Variants in PRDM10 observed in about 807,000 individuals in gnomAD.
PRDM10 encodes the protein PR/SET domain 10.
A neutral mutation model predicts 133.1 loss-of-function variants in PRDM10; 65 were observed. The ratio of observed to expected loss-of-function variants is 0.49; its 90% CI spans 0.40 to 0.60. The LOEUF is 0.60. PRDM10 is among the 20% of genes least tolerant of loss of function. PRDM10 has a pLI of 0.00. For synonymous variants in PRDM10, 582 were observed against 580.4 expected (o/e 1.00, Z -0.04); for missense variants, 1,137 against 1,507.1 (o/e 0.75, Z 4.07).
chr11:129,919,955 G>T (rs1480285272), intron 13 of PRDM10, among the ~76,000 whole-genome samples: 1 of 152,070 alleles, frequency 6.6e-6, no homozygotes, highest in Non-Finnish European at 1.5e-5. Context: ...AGCCCAGGAG[G>T]GAATGTTCAG....
rs1950580581 is a variant in PRDM10 at position 129,923,641 on chromosome 11, C to CGGGAGAGAGA, written c.1879-239_1879-238insTCTCTCTCCC. Among the ~76,000 whole-genome samples the CGGGAGAGAGA allele has an allele frequency of 2.3e-5, 1 of 44,254 alleles. No individual in the cohort carries two copies. The highest frequency in any genetic ancestry group is 1.2e-4 in the African/African-American group (1 of 8,106). The allele number at this position is 44,254 out of a possible 152,430, so 29.0% of individuals were successfully genotyped here. A position where few individuals can be genotyped will look rare whatever the true frequency, so the allele number is the denominator to read the frequency against. ...TCCGAACCTCCCCGATGACTTGAAA[C>CGGGAGAGAGA]GTGAGAGAGAGAGAGAGAGAGAGAG... On this transcript the variant is annotated intron_variant, in intron 12 of 20. Transcript: ENST00000360871. This position sits in a 1 kb window ranked among gnomAD's most constrained non-coding sequence, Gnocchi z 4.4.
intron 1 of PRDM10, among the ~76,000 whole-genome samples, chr11:129,992,957 AAT>A (rs576486799): frequency 3.2e-3 from 483 of 152,312 alleles, no homozygotes; most frequent in Non-Finnish European, 5.6e-3. Context: ...AATTACTCCA[AAT>A]ACTTTTTCTA....
rs565344330 is a variant in PRDM10 at position 129,984,467 on chromosome 11, C to T, written c.-119+18255G>A. On this transcript the variant is annotated intron_variant, in intron 1 of 20. Transcript: ENST00000360871. Reference sequence around the variant, plus strand: ...TGCAGCACACACTGAAACTCTGCAGCGCGGCCTGCAGTCCAGCCCCACGGC... The same window carrying T: ...TGCAGCACACACTGAAACTCTGCAGTGCGGCCTGCAGTCCAGCCCCACGGC... Among the ~76,000 whole-genome samples the T allele has an allele frequency of 2.0e-5, 3 of 152,304 alleles. No individual in the cohort carries two copies. In the East Asian group the frequency reaches 5.8e-4, roughly 29 times the overall value.
At chr11:129,998,791 G>C (rs1939192962) in intron 1 of PRDM10, among the ~76,000 whole-genome samples, 1 of 151,322 alleles carries the variant, frequency 6.6e-6, no homozygotes, top group African/African-American at 2.4e-5. Context: ...CTCCACACAA[G>C]TCTTGAAATG....
At chr11:129,999,499 G>A (rs989696762) in intron 1 of PRDM10, among the ~76,000 whole-genome samples, 5 of 152,210 alleles carry the variant, frequency 3.3e-5, no homozygotes, top group African/African-American at 1.2e-4. Context: ...GGTGGGATGT[G>A]ATGGGAGAAG....
intron 11 of PRDM10, among the ~76,000 whole-genome samples, chr11:129,929,077 G>C (rs1168853739): frequency 2.6e-5 from 4 of 152,166 alleles, no homozygotes; most frequent in Admixed American, 6.5e-5. Context: ...TAGACTGCAA[G>C]CTCAAGTGAA....
At chr11:129,913,425 G>C (rs552625176) in intron 17 of PRDM10, among the ~76,000 whole-genome samples, 1 of 152,280 alleles carries the variant, frequency 6.6e-6, no homozygotes, top group Admixed American at 6.5e-5. Context: ...GAAGGAGAGA[G>C]AGGGAAGATA....
rs1035856493 is a variant in PRDM10, at chr11:129,947,989, G to A, written c.295-619C>T. The A allele has an allele frequency of 4.4e-6, 2 of 453,206 alleles. No individual in the cohort carries two copies. Among genetic ancestry groups the A allele is most frequent in the Non-Finnish European group, 8.8e-6 (2 of 226,002 alleles). The allele number at this position is 453,206 out of a possible 1,614,324, so 28.1% of individuals were successfully genotyped here. ...AACTAAACACGTCGTGCAACACATG[G>A]TTAACAAAGTTCCATAGCTCACAGC... On this transcript the variant is annotated intron_variant, in intron 4 of 20. Transcript: ENST00000360871. This position sits in a 1 kb window ranked among gnomAD's most constrained non-coding sequence, Gnocchi z 4.6.
In PRDM10 at chr11:129,955,590, A is replaced by G. The variant is rs73577243; in HGVS notation, c.235-19T>C. ...ACAGAGTCTAAACAAACAAACGAAC[A>G]AAAAATTATCAGTAGCTCTTTGGAT... On this transcript the variant is annotated intron_variant, in intron 3 of 20. Coordinates refer to ENST00000360871, the MANE Select transcript of PRDM10 (RefSeq NM_199437.2). 1,269 of 1,612,406 alleles carry G rather than the reference A, an allele frequency of 7.9e-4. 6 individuals are homozygous for G. The African/African-American group carries it at 0.015, about 19-fold the overall frequency.
rs1437294076 is a variant in PRDM10, at chr11:129,923,070, T to C, written c.2034+178A>G. ...ATTTGAATTAACTATTTTGAGGAAATGAGTAAGTTTTCCCCCTTAATTTTA... is the reference window on the plus strand; with the variant it reads ...ATTTGAATTAACTATTTTGAGGAAACGAGTAAGTTTTCCCCCTTAATTTTA... On this transcript the variant is annotated intron_variant, in intron 13 of 20. Coordinates refer to ENST00000360871, the MANE Select transcript of PRDM10 (RefSeq NM_199437.2). This position sits in a 1 kb window ranked among gnomAD's most constrained non-coding sequence, Gnocchi z 4.4. Among the ~76,000 whole-genome samples, 2 of 152,228 alleles carry C rather than the reference T, an allele frequency of 1.3e-5. No homozygotes were observed. The highest frequency in any genetic ancestry group is 2.9e-5 in the Non-Finnish European group (2 of 68,034).
chr11:129,997,931 C>T (rs1257848076), intron 1 of PRDM10, among the ~76,000 whole-genome samples: 1 of 152,128 alleles, frequency 6.6e-6, no homozygotes, highest in Non-Finnish European at 1.5e-5. Flanking sequence ...TCTTTTCATT[C>T]AAATTATAGA....
At chr11:129,994,148 A>G (rs1938907222) in intron 1 of PRDM10, among the ~76,000 whole-genome samples, 1 of 152,256 alleles carries the variant, frequency 6.6e-6, no homozygotes, top group African/African-American at 2.4e-5. Flanking sequence ...TGAGATACCT[A>G]GAGCTTGGGA....
chr11:129,915,119 C>A (rs1950316062), intron 16 of PRDM10, 101 bp from the exon 17 acceptor site: 2 of 1,296,810 alleles, frequency 1.5e-6, no homozygotes, highest in South Asian at 3.1e-5. Context: ...TCTTTTATGT[C>A]TTAAAAAAAG....
rs1392236222 is a variant in PRDM10 at position 129,978,328 on chromosome 11, A to G, written c.-118-17246T>C. ...TATGCCACTGGGAAAAAACTCCAAA[A>G]AAGCCTTCAGAAACTGGGTGAGCAA... On this transcript the variant is annotated intron_variant, in intron 1 of 20. Transcript: ENST00000360871. Among the ~76,000 whole-genome samples the G allele has an allele frequency of 2.0e-5, 3 of 152,216 alleles. No individual in the cohort carries two copies. In the East Asian group the frequency reaches 5.8e-4, roughly 29 times the overall value.
In PRDM10 at chr11:129,923,421, A is replaced by C. The variant is rs781046479; in HGVS notation, c.1879-18T>G. Reference sequence around the variant, plus strand: ...TTTTTCACCTGGTGATAAGAACCACAGGAAAATTCAGGGGACGCAGGCACC... The same window carrying C: ...TTTTTCACCTGGTGATAAGAACCACCGGAAAATTCAGGGGACGCAGGCACC... On this transcript the variant is annotated intron_variant, in intron 12 of 20. Coordinates refer to ENST00000360871, the MANE Select transcript of PRDM10 (RefSeq NM_199437.2). The surrounding 1 kb of genome is among the most constrained non-coding windows in gnomAD (Gnocchi z 4.4). 7.5e-6 allele frequency: 12 copies of C among 1,595,840 alleles called. No individual in the cohort carries two copies. The highest frequency in any genetic ancestry group is 9.4e-6 in the Non-Finnish European group (11 of 1,170,344).
Position 130,002,792 on chromosome 11 carries a change from CA to C in PRDM10, c.-190del. ...CTCTCTCCCTAGGGGTGATAGAAAT[CA>C]ACCCCCCCCGCCACCTCCAGGTGGT... On this transcript the variant is annotated 5_prime_UTR_variant, in exon 1 of 21. Coordinates refer to ENST00000360871, the MANE Select transcript of PRDM10 (RefSeq NM_199437.2). 1 of 211,372 alleles carries C rather than the reference CA, an allele frequency of 4.7e-6. No homozygotes were observed. Among genetic ancestry groups the C allele is most frequent in the Non-Finnish European group, 9.8e-6 (1 of 102,150 alleles). 13.1% of individuals were successfully genotyped at this position (211,372 alleles called of 1,614,324 possible).
intron 1 of PRDM10, among the ~76,000 whole-genome samples, chr11:129,967,409 C>CA (rs1219993997): frequency 6.6e-6 from 1 of 152,014 alleles, no homozygotes; most frequent in African/African-American, 2.4e-5. Flanking sequence ...AAAAAATAAA[C>CA]AAAAAAACCC....
intron 1 of PRDM10, among the ~76,000 whole-genome samples, chr11:129,975,036 T>C (rs1165449382): frequency 6.6e-6 from 1 of 152,120 alleles, no homozygotes; most frequent in Non-Finnish European, 1.5e-5. Context: ...CAGGGAGTTA[T>C]TGTTCAATGG....
intron 2 of PRDM10, 96 bp downstream of exon 2, chr11:129,960,800 A>T: frequency 7.8e-7 from 1 of 1,276,834 alleles, no homozygotes; most frequent in Non-Finnish European, 1.1e-6. Context: ...CCTAACGACT[A>T]GTCACTACTA....
Sources: gnomAD v4.1 joint callset for allele counts (sites outside exome capture counted in the v4.1 genomes callset) on GRCh38, gnomAD v4.1.1 for gene constraint, Gnocchi (gnomAD v3.1) non-coding constraint, MANE v1.5 for transcripts, NCBI Gene and HGNC (gene_info 2026-07-23, HGNC 2026-07-21) for gene names.